The following ABLIM2 variants were observed in gnomAD, a reference collection of about 807,000 sequenced individuals.
The protein encoded by ABLIM2 is actin-binding LIM protein 2.
Under a neutral mutation model 97.7 loss-of-function variants are expected in ABLIM2, and 53 were observed. The observed-to-expected ratio is 0.54, with a 90% CI of 0.44 to 0.68. The LOEUF (loss-of-function observed/expected upper bound fraction) is 0.68, where lower values mean the gene tolerates loss of function less well. Ranked by LOEUF, ABLIM2 falls within the 30% of genes least tolerant of loss-of-function variation. The pLI is 0.00. For synonymous variants in ABLIM2, 361 were observed against 345.8 expected, an observed-to-expected ratio of 1.04 and a Z score of -0.49; for missense variants, 835 against 867.2, an observed-to-expected ratio of 0.96 and a Z score of 0.47.
intron 1 of ABLIM2, among the ~76,000 whole-genome samples, chr4:8,115,345 C>T (rs2152823380): frequency 6.6e-6 from 1 of 152,268 alleles, no homozygotes; most frequent in African/African-American, 2.4e-5. Context: ...GCCCATGAGC[C>T]ACTCCTCCTT....
At chr4:8,136,488 TGTACCCAG>T (rs1420428216) in intron 1 of ABLIM2, among the ~76,000 whole-genome samples, 3 of 152,242 alleles carry the variant, frequency 2.0e-5, no homozygotes, top group Non-Finnish European at 4.4e-5. Flanking sequence ...AGATGCTCTC[TGTACCCAG>T]GGCAGCAAAA....
chr4:7,976,922 C>T (rs543194093), intron 20 of ABLIM2, among the ~76,000 whole-genome samples: 6 of 152,230 alleles, frequency 3.9e-5, no homozygotes, highest in African/African-American at 1.2e-4. Flanking sequence ...CACACATACA[C>T]ACATACACAC....
chr4:7,989,072 C>CTTTTTTTTTTTTTT (rs71175445), intron 17 of ABLIM2, among the ~76,000 whole-genome samples: 2 of 81,328 alleles, frequency 2.5e-5, no homozygotes, highest in African/African-American at 5.0e-5. Flanking sequence ...ACACATTAGT[C>CTTTTTTTTTTTTTT]TTTTTTTTTT....
At chr4:8,060,945 A>G in intron 7 of ABLIM2, 22 bp downstream of exon 7, 1 of 1,556,818 alleles carries the variant, frequency 6.4e-7, no homozygotes, top group East Asian at 2.4e-5. Flanking sequence ...TAGGGGACCA[A>G]ACAACACATT....
chr4:8,037,914 T>A (rs1345674307), intron 9 of ABLIM2, among the ~76,000 whole-genome samples: 1 of 152,206 alleles, frequency 6.6e-6, no homozygotes, highest in East Asian at 1.9e-4. Flanking sequence ...TGCCCTCTGC[T>A]CTGATTCTGC....
At chr4:8,088,070 C>T (rs1431457130) in intron 4 of ABLIM2, 99 bp downstream of exon 4, 6 of 605,316 alleles carry the variant, frequency 9.9e-6, no homozygotes, top group Non-Finnish European at 1.2e-5. Context: ...CCACTCAGTA[C>T]GCCCCACTCA....
At chr4:8,119,963 C>A (rs1578240879) in intron 1 of ABLIM2, among the ~76,000 whole-genome samples, 1 of 152,140 alleles carries the variant, frequency 6.6e-6, no homozygotes, top group Non-Finnish European at 1.5e-5. Context: ...TCCTACAGCT[C>A]CTTCCGGCAT....
Position 8,019,752 on chromosome 4 carries a change from G to T in ABLIM2, c.1370-81C>A. ...GATGGTTTCTGTTCTACAGCTTTTT[G>T]TAAGCAACAAGCACTCACCCAGATT... On this transcript the variant is annotated intron_variant, in intron 13 of 20. Transcript: ENST00000447017. This position sits in a 1 kb window ranked among gnomAD's most constrained non-coding sequence, Gnocchi z 4.3. The T allele has an allele frequency of 7.5e-7, 1 of 1,340,120 alleles. No individual in the cohort carries two copies. Among genetic ancestry groups the T allele is most frequent in the Non-Finnish European group, 1.1e-6 (1 of 946,960 alleles). The allele number at this position is 1,340,120 out of a possible 1,614,324, so 83.0% of individuals were successfully genotyped here.
rs73077924 is a variant in ABLIM2 at position 8,150,508 on chromosome 4, G to A, written c.10+8172C>T. Among the ~76,000 whole-genome samples the A allele has an allele frequency of 6.6e-5, 10 of 152,300 alleles. No homozygotes were observed. The highest frequency in any genetic ancestry group is 1.4e-4 in the African/African-American group (6 of 41,556). ...TGACACTGAGCACTTTTCTTGGTGC[G>A]CTGGCTGGACTCACATTTCCAGATC... is the stretch of plus-strand genomic sequence containing the variant. On this transcript the variant is annotated intron_variant, in intron 1 of 20. Transcript: ENST00000447017. The surrounding 1 kb of genome is among the most constrained non-coding windows in gnomAD (Gnocchi z 6.3).
rs1201590665 is a variant in ABLIM2, at chr4:8,069,924, CTGTG to C, written c.675+7700_675+7703del. Among the ~76,000 whole-genome samples, 1 of 151,822 alleles carries C rather than the reference CTGTG, an allele frequency of 6.6e-6. No individual in the cohort carries two copies. The highest frequency in any genetic ancestry group is 2.4e-5 in the African/African-American group (1 of 41,310). On this transcript the variant is annotated intron_variant, in intron 6 of 20. Transcript: ENST00000447017. The surrounding 1 kb of genome is among the most constrained non-coding windows in gnomAD (Gnocchi z 4.2). ...GGTTGTGTGTGTCATGTGTTTCTTT[CTGTG>C]TGTTTATTTCCATGTGTGTTGTTTG...
rs1414915043 is a variant in ABLIM2 at position 8,015,848 on chromosome 4, C to T, written c.1423+3770G>A. Among the ~76,000 whole-genome samples, 2 of 152,248 alleles carry T rather than the reference C, an allele frequency of 1.3e-5. No individual in the cohort carries two copies. The highest frequency in any genetic ancestry group is 4.2e-4 in the South Asian group (2 of 4,818). On this transcript the variant is annotated intron_variant, in intron 14 of 20. Transcript: ENST00000447017. This position sits in a 1 kb window ranked among gnomAD's most constrained non-coding sequence, Gnocchi z 4.6. The stretch of plus-strand genomic sequence containing the variant: ...AATGTTGGGGAGCCATCATTTTTCC[C>T]TCATGAAATCCTTTTATTTATTTAT...
At chr4:8,110,115 G>A (rs2152782843) in intron 1 of ABLIM2, among the ~76,000 whole-genome samples, 1 of 152,376 alleles carries the variant, frequency 6.6e-6, no homozygotes, top group African/African-American at 2.4e-5. Flanking sequence ...GGCCATGGGG[G>A]CCCCTGTAGG....
rs1025252936 is a variant in ABLIM2, at chr4:8,004,017, G to A, written c.1618+4042C>T. On this transcript the variant is annotated intron_variant, in intron 16 of 20. Coordinates refer to ENST00000447017, the MANE Select transcript of ABLIM2 (RefSeq NM_001130083.2). The surrounding 1 kb of genome is among the most constrained non-coding windows in gnomAD (Gnocchi z 5.9). Reference sequence around the variant, plus strand: ...GCTCTTCCTTCGACCACGGACTAAGGAACGCGAGAAGAACTCTTCTGCCCC... The same window carrying A: ...GCTCTTCCTTCGACCACGGACTAAGAAACGCGAGAAGAACTCTTCTGCCCC... Among the ~76,000 whole-genome samples, 4 of 152,074 alleles carry A rather than the reference G, an allele frequency of 2.6e-5. No individual in the cohort carries two copies. Among genetic ancestry groups the A allele is most frequent in the Admixed American group, 1.3e-4 (2 of 15,262 alleles).
intron 1 of ABLIM2, 131 bp downstream of exon 1, chr4:8,158,549 A>G: frequency 8.4e-7 from 1 of 1,197,352 alleles, no homozygotes; most frequent in Non-Finnish European, 1.1e-6. Flanking sequence ...AAAATCCTGG[A>G]GCAAAAGTTG....
At chr4:8,143,341 G>A (rs1851318663) in intron 1 of ABLIM2, among the ~76,000 whole-genome samples, 2 of 152,170 alleles carry the variant, frequency 1.3e-5, no homozygotes, top group African/African-American at 4.8e-5. Flanking sequence ...CACTGTCACT[G>A]AGCACGTACT....
chr4:8,083,799 C>T lies in ABLIM2; in HGVS notation c.455-2997G>A, dbSNP rs113657376. Among the ~76,000 whole-genome samples, 3,610 of 152,276 alleles carry T rather than the reference C, an allele frequency of 0.024. 128 individuals carry two copies. Among genetic ancestry groups the T allele is most frequent in the African/African-American group, 0.083 (3,429 of 41,552 alleles). On this transcript the variant is annotated intron_variant, in intron 4 of 20. Coordinates refer to ENST00000447017, the MANE Select transcript of ABLIM2 (RefSeq NM_001130083.2). The surrounding 1 kb of genome is among the most constrained non-coding windows in gnomAD (Gnocchi z 4.6). Reference sequence around the variant, plus strand: ...CCCCAATGTCAGCTGGCCACGTGCCCGTACATCCTGGTTGGCACTGCCATC... The same window carrying T: ...CCCCAATGTCAGCTGGCCACGTGCCTGTACATCCTGGTTGGCACTGCCATC...
At chr4:8,036,798 CAT>C (rs1336460255) in intron 9 of ABLIM2, among the ~76,000 whole-genome samples, 3 of 152,210 alleles carry the variant, frequency 2.0e-5, no homozygotes, top group African/African-American at 4.8e-5. Context: ...ATGGCTTAAA[CAT>C]GTGTACATGC....
chr4:8,091,848 T>TA lies in ABLIM2; in HGVS notation c.339-3565_339-3564insT, dbSNP rs1828893408. Among the ~76,000 whole-genome samples the TA allele has an allele frequency of 1.5e-3, 168 of 109,056 alleles. 6 individuals are homozygous for TA. In the Admixed American group the frequency reaches 0.017, roughly 11 times the overall value. 71.5% of individuals were successfully genotyped at this position (109,056 alleles called of 152,430 possible). A position where few individuals can be genotyped will look rare whatever the true frequency, so the allele number is the denominator to read the frequency against. On this transcript the variant is annotated intron_variant, in intron 3 of 20. Coordinates refer to ENST00000447017, the MANE Select transcript of ABLIM2 (RefSeq NM_001130083.2). Reference sequence around the variant, plus strand: ...ATTATATAAATAATATAATATATTATTTATACAATATATTATATATACAAT... The same window carrying TA: ...ATTATATAAATAATATAATATATTATATTATACAATATATTATATATACAAT...
Position 8,150,997 on chromosome 4 carries a change from G to A in ABLIM2, c.10+7683C>T, listed in dbSNP as rs902894361. Among the ~76,000 whole-genome samples, 4 of 152,158 alleles carry A rather than the reference G, an allele frequency of 2.6e-5. No individual in the cohort carries two copies. The highest frequency in any genetic ancestry group is 6.5e-5 in the Admixed American group (1 of 15,270). ...CTGCCCGTTCCCTGGTGCCTGCCGTGCCCAGGCCCTTGACTCTCACTCAGC... is the reference window on the plus strand; with the variant it reads ...CTGCCCGTTCCCTGGTGCCTGCCGTACCCAGGCCCTTGACTCTCACTCAGC... On this transcript the variant is annotated intron_variant, in intron 1 of 20. Transcript: ENST00000447017. This position sits in a 1 kb window ranked among gnomAD's most constrained non-coding sequence, Gnocchi z 6.3.
Sources: gnomAD v4.1 joint callset for allele counts (sites outside exome capture counted in the v4.1 genomes callset) on GRCh38, gnomAD v4.1.1 for gene constraint, Gnocchi (gnomAD v3.1) non-coding constraint, MANE v1.5 for transcripts, NCBI Gene and HGNC (gene_info 2026-07-23, HGNC 2026-07-21) for gene names.